Variants in HNRNPC observed in about 807,000 individuals in gnomAD.
The protein encoded by HNRNPC is heterogeneous nuclear ribonucleoprotein C, also known as heterogeneous nuclear ribonucleoproteins C1/C2.
HNRNPC carries 3 observed loss-of-function variants against 33.2 expected under a neutral mutation model. That is an observed-to-expected ratio of 0.09 (90% CI 0.04 to 0.23). HNRNPC has a LOEUF of 0.23. HNRNPC is among the 10% of genes least tolerant of loss of function. The pLI is 1.00. For missense variants in HNRNPC, 143 were observed against 366.7 expected, an observed-to-expected ratio of 0.39 and a Z score of 4.98; for synonymous variants, 121 against 126.7, an observed-to-expected ratio of 0.96 and a Z score of 0.30.
At chr14:21,232,855 G>A (rs1247983297) in intron 3 of HNRNPC, among the ~76,000 whole-genome samples, 1 of 152,086 alleles carries the variant, frequency 6.6e-6, no homozygotes, top group Non-Finnish European at 1.5e-5. Flanking sequence ...GGCCACCATG[G>A]TGAAACCTCA....
rs966107442 is a variant in HNRNPC at position 21,209,699 on chromosome 14, A to G, written c.*1524T>C. On this transcript the variant is annotated 3_prime_UTR_variant, in exon 9 of 9. Transcript: ENST00000553300. ...AGTTTTGCCTGTAATGAGTAGGATG[A>G]AAAAAGGCCAGTGCCGCATGCTATG... The G allele has an allele frequency of 6.6e-6, 1 of 152,206 alleles. No individual in the cohort carries two copies. Among genetic ancestry groups the G allele is most frequent in the African/African-American group, 2.4e-5 (1 of 41,442 alleles). 9.4% of individuals were successfully genotyped at this position (152,206 alleles called of 1,614,324 possible).
At chr14:21,230,291 A>T in intron 5 of HNRNPC, 28 bp downstream of exon 5, 1 of 1,523,242 alleles carries the variant, frequency 6.6e-7, no homozygotes, top group South Asian at 1.1e-5. Flanking sequence ...ATAGCTGTTT[A>T]GCAGAAATAC....
rs1891774202 is a variant in HNRNPC at position 21,212,904 on chromosome 14, C to T, written c.523+56G>A. On this transcript the variant is annotated intron_variant, in intron 6 of 8. Transcript: ENST00000553300. ...CACAAAAATATTGTAACTGCATTAG[C>T]TTCCCTATCTCAAAACACAAGAGAT... 4 of 1,593,244 alleles carry T rather than the reference C, an allele frequency of 2.5e-6. No homozygotes were observed. The Admixed American group carries it at 5.0e-5, about 20-fold the overall frequency.
intron 5 of HNRNPC, among the ~76,000 whole-genome samples, chr14:21,215,921 G>GAAAA: frequency 7.3e-6 from 1 of 136,848 alleles, no homozygotes; most frequent in Non-Finnish European, 1.5e-5. Flanking sequence ...AAGAAAGGAA[G>GAAAA]AAAGAAAGAA....
rs548352105 is a variant in HNRNPC, at chr14:21,249,944, C to T, written c.-37+13367G>A. Among the ~76,000 whole-genome samples, 7 of 152,254 alleles carry T rather than the reference C, an allele frequency of 4.6e-5. No homozygotes were observed. In the East Asian group the frequency reaches 1.3e-3, roughly 29 times the overall value. On this transcript the variant is annotated intron_variant, in intron 2 of 8. Coordinates refer to ENST00000553300, the MANE Select transcript of HNRNPC (RefSeq NM_004500.4). The stretch of plus-strand genomic sequence containing the variant: ...CAAAATGACTTCAGTAAGGTCAATA[C>T]ATCTTTACTGAGAACTGAATCAAGA...
intron 2 of HNRNPC, among the ~76,000 whole-genome samples, chr14:21,256,712 G>A (rs986160046): frequency 6.6e-6 from 1 of 151,704 alleles, no homozygotes; most frequent in Non-Finnish European, 1.5e-5. Context: ...GCAATGGTGC[G>A]GGTGCGATCT....
At chr14:21,237,087 GT>G (rs1269005293) in intron 2 of HNRNPC, among the ~76,000 whole-genome samples, 1 of 152,190 alleles carries the variant, frequency 6.6e-6, no homozygotes, top group Non-Finnish European at 1.5e-5. Context: ...TGCTCCAATA[GT>G]GGGTGAGCAC....
At chr14:21,242,677 G>A (rs1895502888) in intron 2 of HNRNPC, among the ~76,000 whole-genome samples, 1 of 152,124 alleles carries the variant, frequency 6.6e-6, no homozygotes, top group Non-Finnish European at 1.5e-5. Context: ...AAGACCTGGA[G>A]GTCTCAACCT....
At chr14:21,227,624 CTG>C (rs1465605261) in intron 5 of HNRNPC, among the ~76,000 whole-genome samples, 2 of 152,190 alleles carry the variant, frequency 1.3e-5, no homozygotes, top group Non-Finnish European at 2.9e-5. Flanking sequence ...CCACCAATTT[CTG>C]TGAAGATATT....
intron 5 of HNRNPC, among the ~76,000 whole-genome samples, chr14:21,222,719 C>T (rs1044375157): frequency 1.3e-5 from 2 of 151,754 alleles, no homozygotes; most frequent in Admixed American, 1.3e-4. Flanking sequence ...GGTGAAACTG[C>T]GTCTCTACTA....
At chr14:21,236,368 C>T (rs1894697400) in intron 2 of HNRNPC, 1 of 152,170 alleles carries the variant, frequency 6.6e-6, no homozygotes, top group South Asian at 2.1e-4. Context: ...AATACCCATA[C>T]TTACTATGAG....
At chr14:21,215,895 T>A in intron 5 of HNRNPC, among the ~76,000 whole-genome samples, 1 of 107,078 alleles carries the variant, frequency 9.3e-6, no homozygotes. Flanking sequence ...CAAGACTCCG[T>A]CTTAAAAAAA....
chr14:21,230,072 G>A (rs1009658067), intron 5 of HNRNPC, among the ~76,000 whole-genome samples: 2 of 151,968 alleles, frequency 1.3e-5, no homozygotes, highest in Non-Finnish European at 2.9e-5. Flanking sequence ...CACACTCAGC[G>A]AATTTTTTTG....
chr14:21,256,620 G>A (rs1055589796), intron 2 of HNRNPC, among the ~76,000 whole-genome samples: 1 of 152,110 alleles, frequency 6.6e-6, no homozygotes, highest in Admixed American at 6.6e-5. Flanking sequence ...AGTATGAGTA[G>A]TGGTATATTT....
chr14:21,267,699 T>TACCGTGG (rs1369265469), intron 1 of HNRNPC, among the ~76,000 whole-genome samples: 6 of 152,138 alleles, frequency 3.9e-5, no homozygotes, highest in African/African-American at 1.4e-4. Flanking sequence ...GGATATTAAC[T>TACCGTGG]CAAAGAATTT....
chr14:21,233,035 TC>T (rs1894287886), intron 3 of HNRNPC, among the ~76,000 whole-genome samples: 1 of 146,810 alleles, frequency 6.8e-6, no homozygotes, highest in Admixed American at 6.7e-5. Flanking sequence ...AGACTCTGTC[TC>T]AAAAAAAAAA....
intron 5 of HNRNPC, among the ~76,000 whole-genome samples, chr14:21,221,081 T>C (rs1320789710): frequency 6.6e-6 from 1 of 152,170 alleles, no homozygotes; most frequent in South Asian, 2.1e-4. Context: ...AGCAAGATCC[T>C]GTCTCAAAAA....
intron 2 of HNRNPC, among the ~76,000 whole-genome samples, chr14:21,249,968 G>C (rs568434481): frequency 4.7e-4 from 71 of 152,230 alleles, no homozygotes; most frequent in East Asian, 3.7e-3. Flanking sequence ...ACTGAATCAA[G>C]AGAATATGCA....
intron 1 of HNRNPC, among the ~76,000 whole-genome samples, chr14:21,268,926 G>C (rs1250637559): frequency 1.3e-5 from 2 of 151,718 alleles, no homozygotes; most frequent in Non-Finnish European, 2.9e-5. Flanking sequence ...TTACATGTAA[G>C]AAGAACGGAG....
Sources: allele counts gnomAD v4.1 joint callset (sites outside exome capture counted in the v4.1 genomes callset), GRCh38; gene constraint gnomAD v4.1.1; transcripts MANE v1.5; gene names NCBI Gene and HGNC (gene_info 2026-07-23, HGNC 2026-07-21).